GNG4: variants seen among roughly 807,000 people sequenced by gnomAD.
The protein encoded by GNG4 is G protein subunit gamma 4, also known as guanine nucleotide-binding protein G(I)/G(S)/G(O) subunit gamma-4.
In GNG4, 4 loss-of-function variants were observed where a neutral mutation model predicts 5.8. The ratio of observed to expected loss-of-function variants is 0.69; its 90% CI spans 0.34 to 1.57. The LOEUF is 1.57. Ranked by LOEUF, GNG4 falls within the 40% of genes most tolerant of loss-of-function variation. GNG4 has a pLI of 0.06. For missense variants in GNG4, 96 were observed against 95.1 expected (o/e 1.01, Z -0.04); for synonymous variants, 29 against 32.9 (o/e 0.88, Z 0.41).
intron 1 of GNG4, among the ~76,000 whole-genome samples, chr1:235,598,348 G>C (rs533713401): frequency 1.3e-5 from 2 of 152,324 alleles, no homozygotes; most frequent in African/African-American, 4.8e-5. Flanking sequence ...AGTGACTCAC[G>C]TCTGTAATCC....
intron 3 of GNG4, among the ~76,000 whole-genome samples, chr1:235,554,352 A>G (rs946605388): frequency 5.9e-5 from 9 of 152,182 alleles, no homozygotes; most frequent in African/African-American, 2.2e-4. Context: ...CCTCATGGCC[A>G]CCATGTTAGG....
intron 3 of GNG4, 103 bp downstream of exon 3, chr1:235,583,637 C>T: frequency 1.4e-6 from 1 of 718,230 alleles, no homozygotes; most frequent in Non-Finnish European, 2.5e-6. Context: ...GCTGCATGCT[C>T]TGCTGGGTGA....
At chr1:235,643,361 T>A (rs1172982363) in intron 1 of GNG4, among the ~76,000 whole-genome samples, 8 of 152,172 alleles carry the variant, frequency 5.3e-5, no homozygotes, top group Non-Finnish European at 7.3e-5. Flanking sequence ...AGACTCCCTC[T>A]GTTGTCACAC....
At chr1:235,629,355 CA>C (rs1688888354) in intron 1 of GNG4, among the ~76,000 whole-genome samples, 1 of 151,916 alleles carries the variant, frequency 6.6e-6, no homozygotes, top group Non-Finnish European at 1.5e-5. Context: ...TTACAAGAAG[CA>C]AAAAAATTGG....
intron 2 of GNG4, among the ~76,000 whole-genome samples, chr1:235,589,123 C>T (rs1270735713): frequency 6.6e-6 from 1 of 152,256 alleles, no homozygotes; most frequent in African/African-American, 2.4e-5. Flanking sequence ...CGTATAACTC[C>T]ACTTGTCATC....
chr1:235,583,597 C>CA (rs1422734526), intron 3 of GNG4, 143 bp downstream of exon 3: 10 of 589,264 alleles, frequency 1.7e-5, no homozygotes, highest in Non-Finnish European at 2.8e-5. Flanking sequence ...AGCAAACACT[C>CA]ATTTGTAAAT....
At chr1:235,602,344 C>A (rs895064925) in intron 1 of GNG4, among the ~76,000 whole-genome samples, 1 of 152,114 alleles carries the variant, frequency 6.6e-6, no homozygotes, top group African/African-American at 2.4e-5. Flanking sequence ...TTCTGATGCT[C>A]AAGACAATCT....
intron 3 of GNG4, among the ~76,000 whole-genome samples, chr1:235,556,055 T>C (rs1558471791): frequency 2.0e-5 from 3 of 151,758 alleles, no homozygotes; most frequent in Admixed American, 1.3e-4. Flanking sequence ...TTGGTAGAGA[T>C]GGGGTTTCTC....
chr1:235,572,553 G>C (rs1687373292), intron 3 of GNG4, among the ~76,000 whole-genome samples: 1 of 143,498 alleles, frequency 7.0e-6, no homozygotes. Flanking sequence ...CCAGGCTGGA[G>C]TGAGGTGGTA....
intron 1 of GNG4, among the ~76,000 whole-genome samples, chr1:235,645,895 G>A (rs1168153499): frequency 2.0e-5 from 3 of 151,908 alleles, no homozygotes; most frequent in Non-Finnish European, 4.4e-5. Context: ...CTTTGTTGGA[G>A]CCCATATGGA....
chr1:235,558,765 C>T (rs576713877), intron 3 of GNG4, among the ~76,000 whole-genome samples: 7 of 152,304 alleles, frequency 4.6e-5, no homozygotes, highest in South Asian at 4.1e-4. Context: ...AGCCTGAATT[C>T]GGCTTTCCCT....
intron 3 of GNG4, among the ~76,000 whole-genome samples, chr1:235,574,560 C>A (rs192110202): frequency 6.6e-6 from 1 of 151,950 alleles, no homozygotes; most frequent in East Asian, 1.9e-4. Flanking sequence ...TGTGTTCGAG[C>A]CACTCTCATT....
chr1:235,635,500 G>A (rs567984743), intron 1 of GNG4, among the ~76,000 whole-genome samples: 29 of 89,238 alleles, frequency 3.2e-4, no homozygotes, highest in South Asian at 7.6e-4. Flanking sequence ...CCATCTCGGC[G>A]GGGAAAAATG....
rs1467328077 is a variant in GNG4 at position 235,548,137 on chromosome 1, T to C, written c.*3972A>G. The C allele has an allele frequency of 2.6e-5, 4 of 152,198 alleles. No individual in the cohort carries two copies. The highest frequency in any genetic ancestry group is 7.2e-5 in the African/African-American group (3 of 41,422). The allele number at this position is 152,198 out of a possible 1,614,324, so 9.4% of individuals were successfully genotyped here. A position where few individuals can be genotyped will look rare whatever the true frequency, so the allele number is the denominator to read the frequency against. On this transcript the variant is annotated 3_prime_UTR_variant, in exon 4 of 4. Coordinates refer to ENST00000391854, the MANE Select transcript of GNG4 (RefSeq NM_001098722.2). ...ATTATGGAGAGTGTTTTTGTGAAGA[T>C]TTAGAGCATGTCTCTGGATGAACAC...
chr1:235,641,412 G>A (rs1247186036), intron 1 of GNG4, among the ~76,000 whole-genome samples: 1 of 151,662 alleles, frequency 6.6e-6, no homozygotes, highest in Non-Finnish European at 1.5e-5. Context: ...AATAATCGGC[G>A]GGGCACAGTG....
chr1:235,622,217 C>T (rs1688725928), intron 1 of GNG4, among the ~76,000 whole-genome samples: 1 of 152,002 alleles, frequency 6.6e-6, no homozygotes, highest in African/African-American at 2.4e-5. Context: ...CTTTTTGAAC[C>T]ATGGGCTATT....
intron 1 of GNG4, among the ~76,000 whole-genome samples, chr1:235,601,389 T>C (rs948999655): frequency 2.6e-5 from 4 of 152,184 alleles, no homozygotes; most frequent in African/African-American, 4.8e-5. Flanking sequence ...ACCATGCTGA[T>C]CCATGAATAT....
intron 1 of GNG4, among the ~76,000 whole-genome samples, chr1:235,618,601 G>GT (rs1688645778): frequency 6.6e-6 from 1 of 151,902 alleles, no homozygotes; most frequent in Admixed American, 6.5e-5. Context: ...AAACTGATTC[G>GT]TGTGCATGAT....
At chr1:235,561,481 C>A (rs372082651) in intron 3 of GNG4, among the ~76,000 whole-genome samples, 8 of 152,172 alleles carry the variant, frequency 5.3e-5, no homozygotes, top group African/African-American at 1.9e-4. Context: ...GTGCAACCTC[C>A]ACCTCTGGGG....
Sources: gnomAD v4.1 joint callset for allele counts (sites outside exome capture counted in the v4.1 genomes callset) on GRCh38, gnomAD v4.1.1 for gene constraint, MANE v1.5 for transcripts, NCBI Gene and HGNC (gene_info 2026-07-23, HGNC 2026-07-21) for gene names.